The following TMEM258 variants were observed in gnomAD, a reference collection of about 807,000 sequenced individuals.
TMEM258 encodes dolichyl-diphosphooligosaccharide--protein glycosyltransferase subunit TMEM258.
In TMEM258, 11 loss-of-function variants were observed where a neutral mutation model predicts 9.9. The observed-to-expected ratio is 1.11, with a 90% CI of 0.70 to 1.85. The LOEUF (loss-of-function observed/expected upper bound fraction) is 1.85, where lower values mean the gene tolerates loss of function less well. Among genes scored for constraint, TMEM258 ranks in the 40% most tolerant of loss-of-function variants. TMEM258 has a pLI of 0.00. For synonymous variants in TMEM258, 40 were observed against 39.1 expected (o/e 1.02, Z -0.09); for missense variants, 81 against 99.7 (o/e 0.81, Z 0.80).
intron 1 of TMEM258, chr11:61,792,339 A>C: frequency 1.7e-6 from 1 of 599,268 alleles, no homozygotes; most frequent in Middle Eastern, 2.6e-4. Flanking sequence ...GGTATTCAAA[A>C]TTCGCCCCAC....
At chr11:61,789,478 C>A (rs1258981528) in intron 3 of TMEM258, among the ~76,000 whole-genome samples, 1 of 152,170 alleles carries the variant, frequency 6.6e-6, no homozygotes, top group Non-Finnish European at 1.5e-5. Context: ...GGTCTGACTT[C>A]TAAGAATGTA....
intron 1 of TMEM258, chr11:61,791,327 A>C (rs1334032124): frequency 1.3e-5 from 2 of 151,804 alleles, no homozygotes; most frequent in African/African-American, 4.8e-5. Context: ...CAGTGGTGCC[A>C]ACTCGGCTCA....
At chr11:61,790,462 C>A in intron 2 of TMEM258, 31 bp downstream of exon 2, 1 of 1,594,110 alleles carries the variant, frequency 6.3e-7, no homozygotes, top group South Asian at 1.1e-5. Context: ...ATCACTAATG[C>A]TGGTCCTCTG....
chr11:61,792,320 A>G (rs1422163900), intron 1 of TMEM258: 1 of 578,104 alleles, frequency 1.7e-6, no homozygotes, highest in Non-Finnish European at 3.1e-6. Flanking sequence ...AGAGATATAC[A>G]AACTGGAAGG....
chr11:61,790,212 A>G, intron 2 of TMEM258: 1 of 567,388 alleles, frequency 1.8e-6, no homozygotes, highest in Non-Finnish European at 3.1e-6. Context: ...ACCCTTCCTT[A>G]TACCACCTTT....
At position 61,792,573 on chromosome 11, in the gene TMEM258, G is replaced by A. The variant is rs370009443; in HGVS notation, c.-15C>T. 2.7e-5 allele frequency: 44 copies of A among 1,613,540 alleles called. No homozygotes were observed. The highest frequency in any genetic ancestry group is 3.6e-5 in the Non-Finnish European group (43 of 1,180,018). The stretch of plus-strand genomic sequence containing the variant: ...GCTCTCACCATTTTGCCCCGCGAAG[G>A]CTAATCCGCCGCTCCGCCACCGGAA... On this transcript the variant is annotated 5_prime_UTR_variant, in exon 1 of 4. Transcript: ENST00000537328.
In TMEM258 at chr11:61,789,851, G is replaced by A. The variant is rs2066769050; in HGVS notation, c.184C>T (p.Leu62Phe). ...AAGAGGACTCCAAAGCCCATGAAGA[G>A]TGAGGCCACTAAGGAGATGAGGAGC... ...KELLISLVAS[L>F]FMGFGVLFLL... The change falls in exon 3 of 4, where the codon CTC becomes TTC. Residue 62 changes from leucine (L) to phenylalanine (F), a missense_variant. Leu to Phe is a conservative substitution (Grantham distance 22, BLOSUM62 0). Coordinates refer to ENST00000537328, the MANE Select transcript of TMEM258 (RefSeq NM_014206.4). 1 of 1,613,872 alleles carries A rather than the reference G, an allele frequency of 6.2e-7. No homozygotes were observed. Among genetic ancestry groups the A allele is most frequent in the African/African-American group, 1.3e-5 (1 of 75,042 alleles).
rs749374454 is a variant in TMEM258, at chr11:61,789,868, A to ATGAG, written c.163_166dup (p.Ile56ThrfsTer31). 6.2e-7 allele frequency: 1 copy of ATGAG among 1,613,660 alleles called. No homozygotes were observed. The highest frequency in any genetic ancestry group is 1.7e-5 in the Admixed American group (1 of 59,950). ...CATGAAGAGTGAGGCCACTAAGGAG[A>ATGAG]TGAGGAGCTCTTTATAGATATCACG... On this transcript the variant is annotated frameshift_variant, in exon 3 of 4. Transcript: ENST00000537328. LOFTEE classifies it high-confidence loss of function.
At position 61,790,609 on chromosome 11, in the gene TMEM258, G is replaced by A. The variant is rs1032619186; in HGVS notation, c.4-7C>T. On this transcript the variant is annotated splice_region_variant and splice_polypyrimidine_tract_variant and intron_variant, in intron 1 of 3. Coordinates refer to ENST00000537328, the MANE Select transcript of TMEM258 (RefSeq NM_014206.4). Reference sequence around the variant, plus strand: ...TGCTCATGGCCTCGAGCTCCTAGAGGAGGGAAAGAGATCAGAGCTATCAAA... The same window carrying A: ...TGCTCATGGCCTCGAGCTCCTAGAGAAGGGAAAGAGATCAGAGCTATCAAA... 4.3e-6 allele frequency: 7 copies of A among 1,610,304 alleles called. No individual in the cohort carries two copies. Among genetic ancestry groups the A allele is most frequent in the Admixed American group, 3.3e-5 (2 of 59,756 alleles).
intron 3 of TMEM258, 92 bp downstream of exon 3, chr11:61,789,693 A>C: frequency 6.1e-5 from 86 of 1,407,236 alleles, no homozygotes; most frequent in Non-Finnish European, 7.6e-5. Flanking sequence ...CATGCTGGTA[A>C]GAGCTTTAAG....
intron 2 of TMEM258, 122 bp from the exon 3 acceptor site, chr11:61,790,043 A>G: frequency 3.1e-6 from 4 of 1,277,692 alleles, no homozygotes; most frequent in Non-Finnish European, 4.2e-6. Flanking sequence ...TCTGGCTCAG[A>G]GCAGCCAGGC....
rs200755503 is a variant in TMEM258 at position 61,792,549 on chromosome 11, C to G, written c.3+7G>C. On this transcript the variant is annotated splice_region_variant and intron_variant, in intron 1 of 3. Coordinates refer to ENST00000537328, the MANE Select transcript of TMEM258 (RefSeq NM_014206.4). ...TCTCCGTCTGGAACTCCCCTCAACGCTCTCACCATTTTGCCCCGCGAAGGC... is the reference window on the plus strand; with the variant it reads ...TCTCCGTCTGGAACTCCCCTCAACGGTCTCACCATTTTGCCCCGCGAAGGC... The G allele has an allele frequency of 5.6e-6, 9 of 1,613,962 alleles. No individual in the cohort carries two copies. Among genetic ancestry groups the G allele is most frequent in the Middle Eastern group, 1.6e-4 (1 of 6,062 alleles).
chr11:61,790,075 T>TG, intron 2 of TMEM258, 154 bp from the exon 3 acceptor site: 1 of 879,100 alleles, frequency 1.1e-6, no homozygotes, highest in South Asian at 1.8e-5. Context: ...AGAGATGCCT[T>TG]GGACTCTGGT....
rs1434517981 is a variant in TMEM258 at position 61,789,937 on chromosome 11, A to C, written c.114-16T>G. 1.2e-6 allele frequency: 2 copies of C among 1,610,488 alleles called. No homozygotes were observed. The highest frequency in any genetic ancestry group is 1.1e-5 in the South Asian group (1 of 90,456). Reference sequence around the variant, plus strand: ...GACCTCGTAACTGGGCACAGCAGTTAAGGCAAAGCGAAGGGGTGGACTGTG... The same window carrying C: ...GACCTCGTAACTGGGCACAGCAGTTCAGGCAAAGCGAAGGGGTGGACTGTG... On this transcript the variant is annotated splice_polypyrimidine_tract_variant and intron_variant, in intron 2 of 3. Coordinates refer to ENST00000537328, the MANE Select transcript of TMEM258 (RefSeq NM_014206.4).
intron 3 of TMEM258, chr11:61,789,582 A>G: frequency 1.7e-6 from 1 of 572,724 alleles, no homozygotes; most frequent in Non-Finnish European, 2.9e-6. Context: ...CAGAACTGAG[A>G]GTCACATTTG....
chr11:61,792,464 G>C, intron 1 of TMEM258, 92 bp downstream of exon 1: 1 of 1,572,112 alleles, frequency 6.4e-7, no homozygotes, highest in Non-Finnish European at 8.8e-7. Flanking sequence ...CTAGCCCTCT[G>C]GATCTCCGGC....
At chr11:61,791,673 G>A (rs370941397) in intron 1 of TMEM258, 1 of 152,312 alleles carries the variant, frequency 6.6e-6, no homozygotes, top group South Asian at 2.1e-4. Context: ...TGAGTAAAGC[G>A]ACTGTAATAT....
intron 1 of TMEM258, 35 bp downstream of exon 1, chr11:61,792,521 G>C: frequency 6.2e-7 from 1 of 1,613,814 alleles, no homozygotes; most frequent in African/African-American, 1.3e-5. Context: ...AGGGGTCCTC[G>C]CATCTCCGTC....
At chr11:61,789,998 G>A in intron 2 of TMEM258, 77 bp from the exon 3 acceptor site, 1 of 1,525,360 alleles carries the variant, frequency 6.6e-7, no homozygotes, top group Non-Finnish European at 8.8e-7. Context: ...AATCTGAGGA[G>A]AAAAGCATTG....
Sources: allele counts gnomAD v4.1 joint callset (sites outside exome capture counted in the v4.1 genomes callset), GRCh38; gene constraint gnomAD v4.1.1; transcripts MANE v1.5; gene names NCBI Gene and HGNC (gene_info 2026-07-23, HGNC 2026-07-21).